The following EXOC4 variants were observed in gnomAD, a reference collection of about 807,000 sequenced individuals.
EXOC4 encodes the protein SEC8-like 1.
A neutral mutation model predicts 107.2 loss-of-function variants in EXOC4; 71 were observed. The observed-to-expected ratio is 0.66, with a 90% CI of 0.55 to 0.81. The LOEUF is 0.81. Ranked by LOEUF, EXOC4 falls within the 30% of genes least tolerant of loss-of-function variation. The probability of loss-of-function intolerance (pLI) is 0.00; values close to 1 mark genes in which losing one functional copy is unlikely to be tolerated. For missense variants in EXOC4, 1,108 were observed against 1,189.6 expected (o/e 0.93, Z 1.01); for synonymous variants, 456 against 441.2 (o/e 1.03, Z -0.42).
intron 17 of EXOC4, among the ~76,000 whole-genome samples, chr7:134,013,473 G>C (rs1563091545): frequency 6.6e-6 from 1 of 152,168 alleles, no homozygotes; most frequent in Admixed American, 6.5e-5. Flanking sequence ...CCTCCTGGAT[G>C]GGGTCCTGGA....
chr7:133,349,643 A>G (rs972511878), intron 5 of EXOC4, among the ~76,000 whole-genome samples: 48 of 152,272 alleles, frequency 3.2e-4, no homozygotes, highest in African/African-American at 1.1e-3. Flanking sequence ...CAAGACCCTG[A>G]TATCTCTTCA....
At chr7:133,446,554 G>A (rs1798224893) in intron 7 of EXOC4, among the ~76,000 whole-genome samples, 1 of 152,174 alleles carries the variant, frequency 6.6e-6, no homozygotes, top group Admixed American at 6.6e-5. Context: ...CCAGCGACCT[G>A]TCTGCTCACT....
chr7:133,584,688 C>A (rs185825438), intron 9 of EXOC4, among the ~76,000 whole-genome samples: 112 of 149,414 alleles, frequency 7.5e-4, no homozygotes, highest in African/African-American at 2.5e-3. Context: ...AAGTGACTCT[C>A]CTGCCTCAGC....
chr7:133,517,706 C>CG (rs1799904644), intron 9 of EXOC4, among the ~76,000 whole-genome samples: 1 of 151,860 alleles, frequency 6.6e-6, no homozygotes, highest in Non-Finnish European at 1.5e-5. Context: ...AATTACCCCC[C>CG]ACTGGATTCC....
At chr7:133,691,448 G>A (rs927995915) in intron 10 of EXOC4, among the ~76,000 whole-genome samples, 10 of 152,144 alleles carry the variant, frequency 6.6e-5, no homozygotes, top group East Asian at 1.9e-4. Context: ...AATGTAATGC[G>A]TATATTTTTA....
intron 9 of EXOC4, among the ~76,000 whole-genome samples, chr7:133,502,309 C>T (rs759521215): frequency 1.3e-5 from 2 of 152,110 alleles, no homozygotes; most frequent in South Asian, 4.1e-4. Context: ...ATTTGCTATG[C>T]ACAATATCTG....
chr7:133,947,184 G>C (rs116593707), intron 14 of EXOC4, among the ~76,000 whole-genome samples: 1,815 of 152,306 alleles, frequency 0.012, 49 homozygotes, highest in African/African-American at 0.041. Context: ...TGAACTTGAA[G>C]TTCTTAGCAG....
At chr7:134,073,041 CT>C in the EXOC4 span, among the ~76,000 whole-genome samples, 1 of 151,492 alleles carries the variant, frequency 6.6e-6, no homozygotes, top group Non-Finnish European at 1.5e-5. Context: ...CCCATGTCTA[CT>C]AAAAATACAA....
Position 133,429,067 on chromosome 7 carries a change from A to G in EXOC4, c.1183-46261A>G, listed in dbSNP as rs10231099. The stretch of plus-strand genomic sequence containing the variant: ...TAAGCAAGAGAGGCGTGGTTTGAGA[A>G]TAGGGATTGAGGTGATTGACAGCAC... On this transcript the variant is annotated intron_variant, in intron 7 of 17. Coordinates refer to ENST00000253861, the MANE Select transcript of EXOC4 (RefSeq NM_021807.4). Among the ~76,000 whole-genome samples the G allele has an allele frequency of 1.4e-3, 219 of 152,300 alleles. 2 individuals carry two copies. The highest frequency in any genetic ancestry group is 4.9e-3 in the African/African-American group (203 of 41,576).
chr7:133,561,251 C>A (rs1800798969), intron 9 of EXOC4, among the ~76,000 whole-genome samples: 1 of 152,154 alleles, frequency 6.6e-6, no homozygotes, highest in Non-Finnish European at 1.5e-5. Context: ...ATTGGATTGG[C>A]CTTTAGGTAG....
chr7:133,384,450 C>A (rs905532555), intron 7 of EXOC4, among the ~76,000 whole-genome samples: 8 of 152,136 alleles, frequency 5.3e-5, no homozygotes, highest in African/African-American at 1.9e-4. Flanking sequence ...AAGTGTCCGT[C>A]AGACTCATGC....
chr7:133,420,089 T>G (rs1430332093), intron 7 of EXOC4, among the ~76,000 whole-genome samples: 1 of 147,698 alleles, frequency 6.8e-6, no homozygotes, highest in East Asian at 2.0e-4. Context: ...CATCTAGCAT[T>G]AGGTATATCT....
At chr7:133,417,796 A>G (rs531619439) in intron 7 of EXOC4, among the ~76,000 whole-genome samples, 81 of 152,326 alleles carry the variant, frequency 5.3e-4, no homozygotes, top group Admixed American at 3.1e-3. Context: ...ACAAGTCATT[A>G]TAATTGGCTT....
chr7:133,837,782 G>T (rs1335551673), intron 11 of EXOC4, among the ~76,000 whole-genome samples: 2 of 152,142 alleles, frequency 1.3e-5, no homozygotes, highest in African/African-American at 4.8e-5. Flanking sequence ...AATGGGTTTT[G>T]TTCTTCTTTG....
intron 13 of EXOC4, among the ~76,000 whole-genome samples, chr7:133,926,059 A>AAAG (rs1350210947): frequency 1.3e-4 from 20 of 150,946 alleles, no homozygotes; most frequent in African/African-American, 4.7e-4. Flanking sequence ...AAAAAAAAAA[A>AAAG]AAGAAGAAAA....
chr7:133,526,652 T>C (rs1304496818), intron 9 of EXOC4, among the ~76,000 whole-genome samples: 1 of 152,160 alleles, frequency 6.6e-6, no homozygotes, highest in East Asian at 1.9e-4. Context: ...ATACAATTAC[T>C]TTAATTTTAC....
At chr7:134,089,690 G>T in the EXOC4 span, among the ~76,000 whole-genome samples, 6 of 152,220 alleles carry the variant, frequency 3.9e-5, no homozygotes, top group South Asian at 6.2e-4. Flanking sequence ...GACTATCTAC[G>T]ACATACTTTG....
At chr7:133,932,639 T>C (rs1800206190) in intron 13 of EXOC4, among the ~76,000 whole-genome samples, 1 of 152,132 alleles carries the variant, frequency 6.6e-6, no homozygotes, top group Non-Finnish European at 1.5e-5. Context: ...ATTCTTAAAC[T>C]CTTTAGCATG....
At chr7:133,882,806 A>G (rs1012148307) in intron 11 of EXOC4, among the ~76,000 whole-genome samples, 108 of 152,286 alleles carry the variant, frequency 7.1e-4, no homozygotes, top group African/African-American at 2.5e-3. Flanking sequence ...TGGGGCTGGA[A>G]GGGTAGACAG....
Sources: gnomAD v4.1 joint callset for allele counts (sites outside exome capture counted in the v4.1 genomes callset) on GRCh38, gnomAD v4.1.1 for gene constraint, MANE v1.5 for transcripts, NCBI Gene and HGNC (gene_info 2026-07-23, HGNC 2026-07-21) for gene names.